Variants in RBM28 observed in about 807,000 individuals in gnomAD.
RBM28 encodes RNA binding motif protein 28, also known as RNA-binding protein 28.
In RBM28, 78 loss-of-function variants were observed where a neutral mutation model predicts 98.3. The observed-to-expected ratio is 0.79, with a 90% CI of 0.66 to 0.96. The LOEUF (loss-of-function observed/expected upper bound fraction) is 0.96, where lower values mean the gene tolerates loss of function less well. Among genes scored for constraint, RBM28 ranks in the 40% least tolerant of loss-of-function variants. RBM28 has a pLI of 0.00. For synonymous variants in RBM28, 306 were observed against 330.9 expected (o/e 0.92, Z 0.82); for missense variants, 838 against 913.0 (o/e 0.92, Z 1.06).
chr7:128,339,260 TTTC>T lies in RBM28; in HGVS notation c.336_338del (p.Lys113del). The T allele has an allele frequency of 6.2e-7, 1 of 1,613,692 alleles. No individual in the cohort carries two copies. The highest frequency in any genetic ancestry group is 8.5e-7 in the Non-Finnish European group (1 of 1,179,558). On this transcript the variant is annotated inframe_deletion, in exon 3 of 19. Coordinates refer to ENST00000223073, the MANE Select transcript of RBM28 (RefSeq NM_018077.3). ...TCAGGTTCCGAATAATTAATCTGGC[TTTC>T]TTATCTGCCACTTTGGCTTTTTTAG...
Position 128,324,631 on chromosome 7 carries a change from C to T in RBM28, c.1267G>A (p.Ala423Thr), listed in dbSNP as rs761870118. The change falls in exon 12 of 19, where the codon GCT becomes ACT. Residue 423 changes from alanine (A) to threonine (T), a missense_variant. By Grantham distance (58) the Ala-to-Thr change is moderately conservative (BLOSUM62 0). Coordinates refer to ENST00000223073, the MANE Select transcript of RBM28 (RefSeq NM_018077.3). ...ACCTTCGTCGTCTGAAGCTTTGCAG[C>T]CTCATCACGGGTCACCGCCAAGTCA... Reference protein sequence around the residue: ...KVDLAVTRDEAAKLQTTKVKK... With the variant: ...KVDLAVTRDETAKLQTTKVKK... The T allele has an allele frequency of 5.6e-6, 9 of 1,614,200 alleles. No individual in the cohort carries two copies. The highest frequency in any genetic ancestry group is 7.6e-6 in the Non-Finnish European group (9 of 1,180,044).
Position 128,298,594 on chromosome 7 carries a change from T to C in RBM28, c.*12203A>G, listed in dbSNP as rs925825705. On this transcript the variant is annotated 3_prime_UTR_variant, in exon 19 of 19. Transcript: ENST00000223073. Reference sequence around the variant, plus strand: ...TTTCAAATGCCCCCCATTGCTCTTCTTTAAATATACAGAATATATTCTTTA... The same window carrying C: ...TTTCAAATGCCCCCCATTGCTCTTCCTTAAATATACAGAATATATTCTTTA... 1 of 149,808 alleles carries C rather than the reference T, an allele frequency of 6.7e-6. No homozygotes were observed. Among genetic ancestry groups the C allele is most frequent in the African/African-American group, 2.6e-5 (1 of 39,192 alleles). 9.3% of individuals were successfully genotyped at this position (149,808 alleles called of 1,614,324 possible).
At position 128,330,865 on chromosome 7, in the gene RBM28, G is replaced by A; in HGVS notation, c.1083C>T (p.Leu361=). The part of the protein sequence containing the change: ...LGELLQQFGE[L]KYVRIVLHPD... ...GATGCAAGACAATGCGGACATATTT[G>A]AGTTCTCCAAACTGTTGGAGAAGCT... The change falls in exon 10 of 19, where the codon CTC becomes CTT. Residue 361 remains leucine (L), a synonymous_variant. Coordinates refer to ENST00000223073, the MANE Select transcript of RBM28 (RefSeq NM_018077.3). 6.2e-7 allele frequency: 1 copy of A among 1,614,104 alleles called. No homozygotes were observed. The highest frequency in any genetic ancestry group is 8.5e-7 in the Non-Finnish European group (1 of 1,179,972).
chr7:128,335,712 G>A, intron 7 of RBM28, 33 bp from the exon 8 acceptor site: 1 of 1,613,990 alleles, frequency 6.2e-7, no homozygotes, highest in Non-Finnish European at 8.5e-7. Context: ...TAAGGAGGTG[G>A]GCTGACAGAG....
At chr7:128,342,664 G>A (rs1796751778) in intron 1 of RBM28, among the ~76,000 whole-genome samples, 1 of 151,824 alleles carries the variant, frequency 6.6e-6, no homozygotes, top group African/African-American at 2.4e-5. Flanking sequence ...CTGGGCGACA[G>A]AGCAAGACGC....
At position 128,321,353 on chromosome 7, in the gene RBM28, G is replaced by A. The variant is rs1796229776; in HGVS notation, c.1476C>T (p.His492=). 1 of 1,614,206 alleles carries A rather than the reference G, an allele frequency of 6.2e-7. No homozygotes were observed. The highest frequency in any genetic ancestry group is 2.2e-5 in the East Asian group (1 of 44,884). Residue 492 remains histidine, a synonymous_variant, in exon 14 of 19, where the codon CAC becomes CAT. Coordinates refer to ENST00000223073, the MANE Select transcript of RBM28 (RefSeq NM_018077.3). Reference sequence around the variant, plus strand: ...TGTCATCTACAGCCTTTGGGAGATTGTGCAGGCAGAGCCTGGTTCGGGAGA... The same window carrying A: ...TGTCATCTACAGCCTTTGGGAGATTATGCAGGCAGAGCCTGGTTCGGGAGA... ...IFVSRTRLCL[H]NLPKAVDDKQ...
chr7:128,331,047 A>T (rs1796469655), intron 9 of RBM28, 119 bp from the exon 10 acceptor site: 1 of 740,414 alleles, frequency 1.4e-6, no homozygotes, highest in Non-Finnish European at 2.4e-6. Context: ...TAGCACTAAT[A>T]CATAGGGATG....
intron 10 of RBM28, among the ~76,000 whole-genome samples, chr7:128,329,822 G>A (rs1353745449): frequency 7.0e-6 from 1 of 143,698 alleles, no homozygotes; most frequent in Non-Finnish European, 1.5e-5. Context: ...CCAGGAGGCG[G>A]AGCTTGCAGT....
intron 8 of RBM28, among the ~76,000 whole-genome samples, chr7:128,335,109 A>C (rs1213794105): frequency 6.6e-6 from 1 of 152,220 alleles, no homozygotes; most frequent in Non-Finnish European, 1.5e-5. Context: ...GTCCAAACTG[A>C]CTAAACAGTT....
Position 128,343,820 on chromosome 7 carries a change from G to A in RBM28, c.-27C>T, listed in dbSNP as rs747482542. On this transcript the variant is annotated 5_prime_UTR_variant, in exon 1 of 19. Coordinates refer to ENST00000223073, the MANE Select transcript of RBM28 (RefSeq NM_018077.3). ...AGACCGGGAAACCCAAAGCGCGTGA[G>A]GACGCGAGCAAACTAGGCCGGCGCA... 4.6e-6 allele frequency: 7 copies of A among 1,534,440 alleles called. No individual in the cohort carries two copies. In the East Asian group the frequency reaches 1.2e-4, roughly 27 times the overall value.
At chr7:128,327,708 C>A (rs551318705) in intron 10 of RBM28, among the ~76,000 whole-genome samples, 1 of 152,182 alleles carries the variant, frequency 6.6e-6, no homozygotes, top group African/African-American at 2.4e-5. Flanking sequence ...CCATGTTGGT[C>A]AAGCTGGTCT....
intron 8 of RBM28, among the ~76,000 whole-genome samples, chr7:128,334,083 T>C (rs558978811): frequency 1.3e-5 from 2 of 152,242 alleles, no homozygotes; most frequent in Admixed American, 6.5e-5. Context: ...AAAATATCTA[T>C]AGATACACAA....
intron 16 of RBM28, among the ~76,000 whole-genome samples, chr7:128,316,788 T>C (rs1206565777): frequency 6.6e-6 from 1 of 152,192 alleles, no homozygotes; most frequent in Admixed American, 6.5e-5. Flanking sequence ...AACAATTCTA[T>C]TATCTGGGGA....
At chr7:128,322,965 G>C (rs1013509349) in intron 13 of RBM28, among the ~76,000 whole-genome samples, 1 of 152,112 alleles carries the variant, frequency 6.6e-6, no homozygotes, top group African/African-American at 2.4e-5. Context: ...TTGAAAGTAA[G>C]TTATATGGGA....
rs1796144388 is a variant in RBM28, at chr7:128,318,109, A to G, written c.1564-3T>C. On this transcript the variant is annotated splice_polypyrimidine_tract_variant and splice_region_variant and intron_variant, in intron 14 of 18. Transcript: ENST00000223073. ...TTGAGGTCTCGCATCACTCTACACT[A>G]TGAGTAGAGCAAGAAAAAAATCAGT... 6.2e-7 allele frequency: 1 copy of G among 1,607,820 alleles called. No individual in the cohort carries two copies. Among genetic ancestry groups the G allele is most frequent in the South Asian group, 1.1e-5 (1 of 90,940 alleles).
In RBM28 at chr7:128,303,146, A is replaced by C. The variant is rs538837517; in HGVS notation, c.*7651T>G. On this transcript the variant is annotated 3_prime_UTR_variant, in exon 19 of 19. Coordinates refer to ENST00000223073, the MANE Select transcript of RBM28 (RefSeq NM_018077.3). The stretch of plus-strand genomic sequence containing the variant: ...TTTCTTACCACCTAATTTGGAAAAG[A>C]GAAACTATTTTTTTAATCCCAAAAA... 8 of 152,248 alleles carry C rather than the reference A, an allele frequency of 5.3e-5. No homozygotes were observed. The highest frequency in any genetic ancestry group is 1.2e-4 in the Non-Finnish European group (8 of 68,048). 9.4% of individuals were successfully genotyped at this position (152,248 alleles called of 1,614,324 possible).
chr7:128,327,070 A>G (rs1480850501), intron 10 of RBM28, among the ~76,000 whole-genome samples: 5 of 152,140 alleles, frequency 3.3e-5, no homozygotes, highest in African/African-American at 1.2e-4. Flanking sequence ...TCGGGAGGTC[A>G]AGGCTGCAGT....
Position 128,338,736 on chromosome 7 carries a change from A to G in RBM28, c.438T>C (p.Pro146=). Residue 146 remains proline, a synonymous_variant, in exon 4 of 19, where the codon CCT becomes CCC. Coordinates refer to ENST00000223073, the MANE Select transcript of RBM28 (RefSeq NM_018077.3). ...AAGGTTTATTAGTACCTGGTTTCCT[A>G]GGGATATTTACTTCCAGGACAGCTC... is the stretch of plus-strand genomic sequence containing the variant. ...QFGAVLEVNI[P]RKPDGKMRGF... 1.3e-6 allele frequency: 2 copies of G among 1,599,814 alleles called. No homozygotes were observed. Among genetic ancestry groups the G allele is most frequent in the Admixed American group, 1.7e-5 (1 of 60,006 alleles).
rs1795794844 is a variant in RBM28 at position 128,302,454 on chromosome 7, C to G, written c.*8343G>C. 6.6e-6 allele frequency: 1 copy of G among 152,208 alleles called. No homozygotes were observed. The highest frequency in any genetic ancestry group is 6.5e-5 in the Admixed American group (1 of 15,290). 9.4% of individuals were successfully genotyped at this position (152,208 alleles called of 1,614,324 possible). On this transcript the variant is annotated 3_prime_UTR_variant, in exon 19 of 19. Coordinates refer to ENST00000223073, the MANE Select transcript of RBM28 (RefSeq NM_018077.3). ...TTCATGGCTATGGAAAATAAATAGC[C>G]ATTATCTGACCTCCAGGGGAATGAA...
Sources: gnomAD v4.1 joint callset for allele counts (sites outside exome capture counted in the v4.1 genomes callset) on GRCh38, gnomAD v4.1.1 for gene constraint, MANE v1.5 for transcripts, NCBI Gene and HGNC (gene_info 2026-07-23, HGNC 2026-07-21) for gene names.